HMCN1: variants seen among roughly 807,000 people sequenced by gnomAD.
The protein encoded by HMCN1 is hemicentin-1.
A neutral mutation model predicts 625.9 loss-of-function variants in HMCN1; 321 were observed. The observed-to-expected ratio is 0.51, with a 90% CI of 0.47 to 0.56. HMCN1 has a LOEUF of 0.56. HMCN1 is among the 20% of genes least tolerant of loss of function. The pLI, the probability that HMCN1 is intolerant of heterozygous loss-of-function variation, is 0.00. For synonymous variants in HMCN1, 2,425 were observed against 2,417.6 expected (o/e 1.00, Z -0.09); for missense variants, 6,588 against 6,887.3 (o/e 0.96, Z 1.54).
At chr1:186,188,562 T>C (rs970384819) in intron 106 of HMCN1, among the ~76,000 whole-genome samples, 1 of 152,146 alleles carries the variant, frequency 6.6e-6, no homozygotes, top group Admixed American at 6.5e-5. Context: ...TCTCTCCCCT[T>C]CCAGAAATGT....
intron 77 of HMCN1, among the ~76,000 whole-genome samples, chr1:186,118,642 T>C (rs1661248220): frequency 6.6e-6 from 1 of 152,214 alleles, no homozygotes; most frequent in African/African-American, 2.4e-5. Context: ...AAATGTGGTA[T>C]ATCCATGCAA....
intron 6 of HMCN1, among the ~76,000 whole-genome samples, chr1:185,918,791 C>T (rs1666856261): frequency 6.6e-6 from 1 of 152,124 alleles, no homozygotes; most frequent in Non-Finnish European, 1.5e-5. Context: ...AAACACAACT[C>T]TTCCTAGCTC....
At chr1:185,759,311 T>A (rs539782405) in intron 1 of HMCN1, among the ~76,000 whole-genome samples, 1 of 152,220 alleles carries the variant, frequency 6.6e-6, no homozygotes, top group South Asian at 2.1e-4. Context: ...CTTCTCTCAC[T>A]GCCTTTCCTG....
At chr1:186,163,566 A>G (rs1364553015) in intron 97 of HMCN1, among the ~76,000 whole-genome samples, 1 of 152,006 alleles carries the variant, frequency 6.6e-6, no homozygotes, top group Non-Finnish European at 1.5e-5. Flanking sequence ...CCCCCCAATT[A>G]AGCAACTCTT....
At chr1:186,016,480 C>T (rs1403460316) in intron 32 of HMCN1, among the ~76,000 whole-genome samples, 3 of 152,008 alleles carry the variant, frequency 2.0e-5, no homozygotes, top group African/African-American at 4.8e-5. Context: ...TGCATAGATA[C>T]ATTTTTACGT....
At chr1:186,129,310 T>C (rs1196963353) in intron 83 of HMCN1, among the ~76,000 whole-genome samples, 2 of 151,284 alleles carry the variant, frequency 1.3e-5, no homozygotes, top group Non-Finnish European at 2.9e-5. Context: ...AGGATTAGCA[T>C]GTTTACCTTA....
intron 86 of HMCN1, 134 bp downstream of exon 86, chr1:186,132,543 T>C: frequency 2.8e-6 from 2 of 727,242 alleles, no homozygotes; most frequent in South Asian, 3.0e-5. Flanking sequence ...AGTTTTCTGC[T>C]GCTGATGGAG....
chr1:185,744,134 G>C (rs915150990), intron 1 of HMCN1, among the ~76,000 whole-genome samples: 1 of 151,124 alleles, frequency 6.6e-6, no homozygotes, highest in African/African-American at 2.4e-5. Flanking sequence ...GACTACAGGC[G>C]CCCGCCACCA....
intron 30 of HMCN1, among the ~76,000 whole-genome samples, chr1:186,014,082 A>T (rs182308977): frequency 1.4e-3 from 210 of 152,264 alleles, no homozygotes; most frequent in African/African-American, 4.8e-3. Flanking sequence ...CCAAAGGTAC[A>T]TGCTGTCAGC....
At chr1:185,775,689 AATTG>A (rs1490441384) in intron 1 of HMCN1, among the ~76,000 whole-genome samples, 1 of 152,184 alleles carries the variant, frequency 6.6e-6, no homozygotes, top group East Asian at 1.9e-4. Context: ...TGATGTAACT[AATTG>A]ATTGTGAATG....
At chr1:185,964,526 A>T (rs1650257156) in intron 13 of HMCN1, among the ~76,000 whole-genome samples, 1 of 152,142 alleles carries the variant, frequency 6.6e-6, no homozygotes. Context: ...AGAAGCAAGG[A>T]TTCAAAAGAG....
intron 69 of HMCN1, among the ~76,000 whole-genome samples, chr1:186,105,212 A>G (rs1660556259): frequency 6.6e-6 from 1 of 152,220 alleles, no homozygotes; most frequent in African/African-American, 2.4e-5. Flanking sequence ...TATACATAAG[A>G]TACAATTAGA....
rs1204576826 is a variant in HMCN1 at position 185,922,632 on chromosome 1, T to G, written c.1021+133T>G. On this transcript the variant is annotated intron_variant, in intron 7 of 106. Coordinates refer to ENST00000271588, the MANE Select transcript of HMCN1 (RefSeq NM_031935.3). ...AGCATAGCTTTAAATGTGACTGTTC[T>G]CTTGGCCTAATCACTTTCTCAAAGT... 4.6e-5 allele frequency: 37 copies of G among 810,476 alleles called. No individual in the cohort carries two copies. In the East Asian group the frequency reaches 1.1e-3, roughly 23 times the overall value. 50.2% of individuals were successfully genotyped at this position (810,476 alleles called of 1,614,324 possible).
chr1:186,100,940 C>A (rs1244251967), intron 68 of HMCN1, among the ~76,000 whole-genome samples: 1 of 152,070 alleles, frequency 6.6e-6, no homozygotes, highest in African/African-American at 2.4e-5. Context: ...CAAAGTGTTG[C>A]CCCTTTAGAA....
rs1410749305 is a variant in HMCN1, at chr1:186,055,545, G to A, written c.7015G>A (p.Val2339Ile). ...CCACCCCTTGATCAAGGCAAAGGGA[G>A]TAGAAATACTGGATGAAGGTCACAT... Reference protein sequence around the residue: ...DGHPLIKAKGVEILDEGHILQ... With the variant: ...DGHPLIKAKGIEILDEGHILQ... The change falls in exon 45 of 107, where the codon GTA (valine) becomes ATA (isoleucine). Residue 2339 changes from valine (V) to isoleucine (I), a missense_variant. Physicochemically the swap from Val to Ile is conservative, Grantham distance 29 (BLOSUM62 3). This residue lies in a region of HMCN1 where 4,628 missense variants were observed against 4,853.1 expected (regional missense o/e 0.95). Transcript: ENST00000271588. The A allele has an allele frequency of 5.6e-6, 9 of 1,612,902 alleles. No individual in the cohort carries two copies. The highest frequency in any genetic ancestry group is 6.8e-6 in the Non-Finnish European group (8 of 1,179,280).
intron 11 of HMCN1, among the ~76,000 whole-genome samples, chr1:185,946,041 G>A (rs190247825): frequency 1.3e-5 from 2 of 152,198 alleles, no homozygotes; most frequent in Non-Finnish European, 2.9e-5. Flanking sequence ...AAAAAAGGAA[G>A]TTCAAAGTGG....
intron 4 of HMCN1, among the ~76,000 whole-genome samples, chr1:185,886,813 C>T (rs551222946): frequency 1.3e-5 from 2 of 152,284 alleles, no homozygotes; most frequent in East Asian, 3.9e-4. Flanking sequence ...TCAAATATCA[C>T]TTTCATCACG....
chr1:186,097,160 A>C (rs879317281), intron 68 of HMCN1, among the ~76,000 whole-genome samples: 1 of 152,192 alleles, frequency 6.6e-6, no homozygotes, highest in Admixed American at 6.6e-5. Flanking sequence ...GAAAACTCTC[A>C]GAAATGATAA....
At chr1:186,127,727 C>T (rs899955812) in intron 82 of HMCN1, among the ~76,000 whole-genome samples, 1 of 152,042 alleles carries the variant, frequency 6.6e-6, no homozygotes, top group African/African-American at 2.4e-5. Flanking sequence ...CCTTAGAGAG[C>T]CAATTATGCT....
Sources: gnomAD v4.1 joint callset for allele counts (sites outside exome capture counted in the v4.1 genomes callset) on GRCh38, gnomAD v4.1.1 for gene constraint, gnomAD v4.1.1 regional missense constraint, MANE v1.5 for transcripts, NCBI Gene and HGNC (gene_info 2026-07-23, HGNC 2026-07-21) for gene names.